The following MAP3K12 variants were observed in gnomAD, a reference collection of about 807,000 sequenced individuals.
The protein encoded by MAP3K12 is mitogen-activated protein kinase kinase kinase 12, also known as MAPK-upstream kinase.
Under a neutral mutation model 87.5 loss-of-function variants are expected in MAP3K12, and 14 were observed. The observed-to-expected ratio is 0.16, with a 90% confidence interval of 0.11 to 0.25. The LOEUF (loss-of-function observed/expected upper bound fraction) is 0.25. MAP3K12 is among the 10% of genes least tolerant of loss of function. MAP3K12 has a pLI of 1.00. For missense variants in MAP3K12, 802 were observed against 1,140.4 expected, an observed-to-expected ratio of 0.70 and a Z score of 4.27; for synonymous variants, 469 against 452.5, an observed-to-expected ratio of 1.04 and a Z score of -0.46.
At chr12:53,483,781 A>G (rs1056664703) in intron 8 of MAP3K12, 58 bp from the exon 9 acceptor site, 1 of 1,612,230 alleles carries the variant, frequency 6.2e-7, no homozygotes, top group Non-Finnish European at 8.5e-7. Context: ...GCCATAACAG[A>G]TCTCAGTCTC....
rs1273950442 is a variant in MAP3K12, at chr12:53,483,639, C to G, written c.1443G>C (p.Leu481Phe). The change falls in exon 9 of 14, where the codon TTG (leucine) becomes TTC (phenylalanine). Residue 481 changes from leucine to phenylalanine, a missense_variant. This residue lies in a region of MAP3K12 where 99 missense variants were observed against 193.4 expected (regional missense o/e 0.51). Transcript: ENST00000547488. ...NLYMELNALM[L>F]QLELKERELL... ...GCTCCCTCTCCTTGAGTTCCAGCTG[C>G]AACATGAGGGCATTAAGTTCCATAT... The G allele has an allele frequency of 5.6e-6, 9 of 1,614,090 alleles. No homozygotes were observed. The highest frequency in any genetic ancestry group is 1.3e-5 in the African/African-American group (1 of 75,024).
rs1312455266 is a variant in MAP3K12, at chr12:53,481,932, G to A, written c.2580+9C>T. 3 of 1,608,322 alleles carry A rather than the reference G, an allele frequency of 1.9e-6. No individual in the cohort carries two copies. The highest frequency in any genetic ancestry group is 1.3e-5 in the African/African-American group (1 of 74,758). ...TTCAATATCTGCTTTTTGCTGTTGT[G>A]CCACTCACCCGCTCTCTGAGAAGTT... On this transcript the variant is annotated intron_variant, in intron 13 of 13. Transcript: ENST00000547488.
intron 1 of MAP3K12, among the ~76,000 whole-genome samples, chr12:53,489,748 G>C (rs1161178425): frequency 6.6e-6 from 1 of 152,188 alleles, no homozygotes; most frequent in African/African-American, 2.4e-5. Context: ...GGGAAACTCT[G>C]ATAGTTCTTG....
At position 53,481,097 on chromosome 12, in the gene MAP3K12, A is replaced by AT. The variant is rs1343368540; in HGVS notation, c.*84dup. ...CTGGGACAGCCCCATCTTTCTGTTG[A>AT]TTATGTGGCGCATATATATATATAT... On this transcript the variant is annotated 3_prime_UTR_variant, in exon 14 of 14. Coordinates refer to ENST00000547488, the MANE Select transcript of MAP3K12 (RefSeq NM_001193511.2). 1 of 583,814 alleles carries AT rather than the reference A, an allele frequency of 1.7e-6. No homozygotes were observed. The highest frequency in any genetic ancestry group is 2.0e-5 in the African/African-American group (1 of 49,382). The allele number at this position is 583,814 out of a possible 1,614,324, so 36.2% of individuals were successfully genotyped here.
At chr12:53,493,305 C>T (rs1426492044) in intron 1 of MAP3K12, among the ~76,000 whole-genome samples, 1 of 152,076 alleles carries the variant, frequency 6.6e-6, no homozygotes, top group African/African-American at 2.4e-5. Context: ...TAGGTGCGGA[C>T]CCCCACCCAG....
At chr12:53,488,498 C>CT (rs1232037312) in intron 1 of MAP3K12, among the ~76,000 whole-genome samples, 32 of 152,160 alleles carry the variant, frequency 2.1e-4, no homozygotes, top group African/African-American at 7.2e-4. Flanking sequence ...CCCGTCTCTA[C>CT]TAAAAATACA....
rs550673349 is a variant in MAP3K12 at position 53,481,752 on chromosome 12, C to G, written c.2580+189G>C. ...CCTGGCTGCAATTTATAGCTACATG[C>G]AAGCTACTGGTCAGGCATCGTAATA... On this transcript the variant is annotated intron_variant, in intron 13 of 13. Transcript: ENST00000547488. 46 of 652,338 alleles carry G rather than the reference C, an allele frequency of 7.1e-5. No individual in the cohort carries two copies. In the South Asian group the frequency reaches 9.2e-4, roughly 13 times the overall value. The allele number at this position is 652,338 out of a possible 1,614,324, so 40.4% of individuals were successfully genotyped here.
intron 1 of MAP3K12, 180 bp from the exon 2 acceptor site, chr12:53,487,608 T>G (rs1565888419): frequency 3.5e-6 from 2 of 577,154 alleles, no homozygotes. Context: ...TTAGGAAATC[T>G]GATACACTTG....
chr12:53,490,935 C>G (rs1943381234), intron 1 of MAP3K12, among the ~76,000 whole-genome samples: 1 of 151,784 alleles, frequency 6.6e-6, no homozygotes, highest in Admixed American at 6.6e-5. Flanking sequence ...CCACCCCCAC[C>G]AACAAACTTG....
At position 53,483,435 on chromosome 12, in the gene MAP3K12, A is replaced by G. The variant is rs1301094833; in HGVS notation, c.1527T>C (p.Pro509=). ...RRCPGLLKPH[P]SRGLLHGNTM... ...TGTTTCCATGCAGGAGGCCCCGGGA[A>G]GGGTGTGGCTTCAGCAGGCCTGGGC... Residue 509 remains proline (P), a synonymous_variant, in exon 10 of 14, where the codon CCT becomes CCC. Transcript: ENST00000547488. The G allele has an allele frequency of 6.2e-7, 1 of 1,614,116 alleles. No individual in the cohort carries two copies. The highest frequency in any genetic ancestry group is 1.3e-5 in the African/African-American group (1 of 75,018).
chr12:53,488,283 C>T (rs1468139934), intron 1 of MAP3K12, among the ~76,000 whole-genome samples: 1 of 152,224 alleles, frequency 6.6e-6, no homozygotes, highest in Non-Finnish European at 1.5e-5. Flanking sequence ...CTTCTCTTTC[C>T]TCTTCTCCAT....
chr12:53,487,588 T>C, intron 1 of MAP3K12, 160 bp from the exon 2 acceptor site: 2 of 645,978 alleles, frequency 3.1e-6, no homozygotes, highest in Non-Finnish European at 5.1e-6. Flanking sequence ...AAATTGCACC[T>C]TGAGCCATCT....
rs1219777748 is a variant in MAP3K12, at chr12:53,487,350, A to T, written c.42T>A (p.Phe14Leu). 6.2e-7 allele frequency: 1 copy of T among 1,613,688 alleles called. No homozygotes were observed. Among genetic ancestry groups the T allele is most frequent in the Non-Finnish European group, 8.5e-7 (1 of 1,179,844 alleles). ...CACTTAGGGTAGACACAAAGCCCCCAAAGGAAGGAGAGGGTGTTCGGGTCT... is the reference window on the plus strand; with the variant it reads ...CACTTAGGGTAGACACAAAGCCCCCTAAGGAAGGAGAGGGTGTTCGGGTCT... The part of the protein sequence containing the change: ...LHETRTPSPS[F>L]GGFVSTLSEA... Residue 14 changes from phenylalanine (F) to leucine (L), a missense_variant, in exon 2 of 14, where the codon TTT (phenylalanine) becomes TTA (leucine). Around this residue, in one of 5 missense-constraint regions of MAP3K12, gnomAD observed 135 missense variants for 151.6 expected, o/e 0.89. Coordinates refer to ENST00000547488, the MANE Select transcript of MAP3K12 (RefSeq NM_001193511.2).
chr12:53,485,974 G>T, intron 4 of MAP3K12, 82 bp downstream of exon 4: 2 of 1,362,828 alleles, frequency 1.5e-6, no homozygotes, highest in Non-Finnish European at 2.0e-6. Context: ...CCTAGGGCAT[G>T]GTTTGGAAGC....
intron 1 of MAP3K12, chr12:53,487,852 C>G (rs947476413): frequency 1.2e-5 from 2 of 167,656 alleles, no homozygotes; most frequent in African/African-American, 4.8e-5. Context: ...AAGGGTCTCA[C>G]ATTTACACCT....
rs765948857 is a variant in MAP3K12, at chr12:53,482,587, C to T, written c.2216G>A (p.Arg739Lys). ...TACCTGACTTCGGGTGACGGCAGCC[C>T]TGTACAGCAGTGCAGCTGGGGTCAA... is the stretch of plus-strand genomic sequence containing the variant. ...QHLTPAALLY[R>K]AAVTRSQKRG... Residue 739 changes from arginine (R) to lysine (K), a missense_variant, in exon 11 of 14, where the codon AGG becomes AAG. By Grantham distance (26) the Arg-to-Lys change is conservative. Around this residue, in one of 5 missense-constraint regions of MAP3K12, gnomAD observed 490 missense variants for 496.6 expected, o/e 0.99. Coordinates refer to ENST00000547488, the MANE Select transcript of MAP3K12 (RefSeq NM_001193511.2). 1 of 1,612,812 alleles carries T rather than the reference C, an allele frequency of 6.2e-7. No individual in the cohort carries two copies. Among genetic ancestry groups the T allele is most frequent in the South Asian group, 1.1e-5 (1 of 90,974 alleles).
Position 53,482,026 on chromosome 12 carries a change from G to A in MAP3K12, c.2495C>T (p.Pro832Leu), listed in dbSNP as rs1358170364. Residue 832 changes from proline to leucine, a missense_variant, in exon 13 of 14, where the codon CCA becomes CTA. By Grantham distance (98) the Pro-to-Leu change is moderately conservative. Transcript: ENST00000547488. ...DDMCSQGSEI[P>L]LDPPPSEVIP... Reference sequence around the variant, plus strand: ...GACCTCTGAAGGAGGTGGGTCCAGTGGGATTTCTGAGCCCTGGGAGCACAT... The same window carrying A: ...GACCTCTGAAGGAGGTGGGTCCAGTAGGATTTCTGAGCCCTGGGAGCACAT... 1 of 1,614,066 alleles carries A rather than the reference G, an allele frequency of 6.2e-7. No individual in the cohort carries two copies. The highest frequency in any genetic ancestry group is 8.5e-7 in the Non-Finnish European group (1 of 1,180,044).
At chr12:53,491,449 T>G (rs1460892127) in intron 1 of MAP3K12, among the ~76,000 whole-genome samples, 1 of 151,244 alleles carries the variant, frequency 6.6e-6, no homozygotes, top group Non-Finnish European at 1.5e-5. Context: ...TTTTTTTTTT[T>G]TTGAGATGGA....
At chr12:53,500,671 AAC>A (rs964256698), upstream of MAP3K12, 12 of 152,526 alleles carry the variant, frequency 7.9e-5, no homozygotes, top group Admixed American at 3.3e-4. Flanking sequence ...GCCCTGCGGA[AAC>A]AGAGATCGGT....
Sources: allele counts gnomAD v4.1 joint callset (sites outside exome capture counted in the v4.1 genomes callset), GRCh38; gene constraint gnomAD v4.1.1; regional missense constraint gnomAD v4.1.1; transcripts MANE v1.5; gene names NCBI Gene and HGNC (gene_info 2026-07-23, HGNC 2026-07-21).